PTPN1: variants seen among roughly 807,000 people sequenced by gnomAD.
PTPN1 encodes tyrosine-protein phosphatase non-receptor type 1.
A neutral mutation model predicts 59.9 loss-of-function variants in PTPN1; 12 were observed. The observed-to-expected ratio is 0.20, with a 90% CI of 0.13 to 0.32. PTPN1 has a LOEUF of 0.32. PTPN1 is among the 10% of genes least tolerant of loss of function. The pLI is 1.00. For synonymous variants in PTPN1, 178 were observed against 203.6 expected (o/e 0.87, Z 1.07); for missense variants, 356 against 549.2 (o/e 0.65, Z 3.52).
intron 1 of PTPN1, among the ~76,000 whole-genome samples, chr20:50,547,713 G>A (rs191014556): frequency 1.3e-5 from 2 of 152,162 alleles, no homozygotes; most frequent in Non-Finnish European, 2.9e-5. Flanking sequence ...TGCTTTCACT[G>A]ACAACAGTAT....
intron 6 of PTPN1, among the ~76,000 whole-genome samples, chr20:50,578,950 A>G (rs1251983090): frequency 6.6e-6 from 1 of 152,144 alleles, no homozygotes; most frequent in Non-Finnish European, 1.5e-5. Flanking sequence ...CCAGACTCTT[A>G]ACCAGCTCTC....
intron 1 of PTPN1, among the ~76,000 whole-genome samples, chr20:50,519,792 G>A (rs1261165694): frequency 2.6e-5 from 4 of 152,150 alleles, no homozygotes; most frequent in African/African-American, 4.8e-5. Context: ...AAGTTAAAGG[G>A]TGCAGTTGGC....
intron 1 of PTPN1, among the ~76,000 whole-genome samples, chr20:50,540,974 C>T (rs2082649441): frequency 6.6e-6 from 1 of 152,142 alleles, no homozygotes; most frequent in African/African-American, 2.4e-5. Flanking sequence ...CTGCTCAGTC[C>T]CTAGTTTGCA....
In PTPN1 at chr20:50,574,503, A is replaced by G. The variant is rs1401395979; in HGVS notation, c.355-14A>G. ...ATATTGCTCACAATAATTCACTATT[A>G]TTTGTTTCCCCAGTTAAAATGCGCA... On this transcript the variant is annotated splice_polypyrimidine_tract_variant and intron_variant, in intron 4 of 9. Coordinates refer to ENST00000371621, the MANE Select transcript of PTPN1 (RefSeq NM_002827.4). 4 of 1,579,602 alleles carry G rather than the reference A, an allele frequency of 2.5e-6. No homozygotes were observed. Among genetic ancestry groups the G allele is most frequent in the Non-Finnish European group, 3.4e-6 (4 of 1,168,754 alleles).
At chr20:50,524,680 G>A (rs1431040844) in intron 1 of PTPN1, among the ~76,000 whole-genome samples, 3 of 148,272 alleles carry the variant, frequency 2.0e-5, no homozygotes, top group Admixed American at 6.8e-5. Context: ...GGGTTCAAGC[G>A]ATTCTGCTGT....
At chr20:50,534,278 G>A (rs1489447505) in intron 1 of PTPN1, among the ~76,000 whole-genome samples, 1 of 152,166 alleles carries the variant, frequency 6.6e-6, no homozygotes, top group East Asian at 1.9e-4. Flanking sequence ...ATCCAAATGA[G>A]ACTTTAGATT....
intron 1 of PTPN1, among the ~76,000 whole-genome samples, chr20:50,516,773 A>C (rs1317464986): frequency 6.6e-6 from 1 of 152,220 alleles, no homozygotes; most frequent in Non-Finnish European, 1.5e-5. Flanking sequence ...TGTAAAAGAT[A>C]GAGGAACTGA....
At chr20:50,555,476 T>C (rs1312970584) in intron 1 of PTPN1, among the ~76,000 whole-genome samples, 4 of 152,146 alleles carry the variant, frequency 2.6e-5, no homozygotes, top group Non-Finnish European at 5.9e-5. Flanking sequence ...GTTGCATTGA[T>C]AGTTAAATGG....
At chr20:50,577,242 TG>T (rs2082841219) in intron 5 of PTPN1, among the ~76,000 whole-genome samples, 1 of 152,214 alleles carries the variant, frequency 6.6e-6, no homozygotes, top group South Asian at 2.1e-4. Flanking sequence ...GTGGTGTCTT[TG>T]CCCCCGCCTC....
intron 1 of PTPN1, among the ~76,000 whole-genome samples, chr20:50,559,548 T>C (rs1338825893): frequency 6.6e-6 from 1 of 152,228 alleles, no homozygotes; most frequent in East Asian, 1.9e-4. Context: ...TTTATCATTA[T>C]GAAGAGTACT....
intron 1 of PTPN1, among the ~76,000 whole-genome samples, chr20:50,517,979 T>C (rs2082536290): frequency 6.6e-6 from 1 of 152,222 alleles, no homozygotes; most frequent in South Asian, 2.1e-4. Flanking sequence ...GCAACATCAC[T>C]TGCAAAGATA....
intron 1 of PTPN1, among the ~76,000 whole-genome samples, chr20:50,510,891 CG>C (rs2082504086): frequency 6.6e-6 from 1 of 152,014 alleles, no homozygotes; most frequent in Admixed American, 6.5e-5. Context: ...CCTCGCACCC[CG>C]ACCCCGCCCC....
At chr20:50,541,784 A>G (rs1025148217) in intron 1 of PTPN1, among the ~76,000 whole-genome samples, 4 of 152,186 alleles carry the variant, frequency 2.6e-5, no homozygotes, top group African/African-American at 9.6e-5. Flanking sequence ...TAGGGGAAGC[A>G]GCTTGGACAT....
rs545770873 is a variant in PTPN1 at position 50,541,486 on chromosome 20, T to C, written c.64-19877T>C. Among the ~76,000 whole-genome samples the C allele has an allele frequency of 5.2e-4, 79 of 152,322 alleles. No homozygotes were observed. In the South Asian group the frequency reaches 5.4e-3, roughly 10 times the overall value. ...ACGGGACAGCTCTTCTGTCATCTCTTCTGGGAAGCCTCTCCAGGCTTGGTG... is the reference window on the plus strand; with the variant it reads ...ACGGGACAGCTCTTCTGTCATCTCTCCTGGGAAGCCTCTCCAGGCTTGGTG... On this transcript the variant is annotated intron_variant, in intron 1 of 9. Transcript: ENST00000371621.
intron 1 of PTPN1, among the ~76,000 whole-genome samples, chr20:50,524,567 G>GTTTTTTTTTT (rs1386022104): frequency 2.0e-4 from 13 of 64,102 alleles, no homozygotes; most frequent in African/African-American, 4.8e-4. Context: ...CCATTATGTG[G>GTTTTTTTTTT]TCTTTTTTTT....
rs2082881897 is a variant in PTPN1, at chr20:50,583,753, C to G, written c.*1038C>G. The G allele has an allele frequency of 6.5e-6, 1 of 152,678 alleles. No individual in the cohort carries two copies. Among genetic ancestry groups the G allele is most frequent in the Non-Finnish European group, 1.5e-5 (1 of 68,064 alleles). The allele number at this position is 152,678 out of a possible 1,614,324, so 9.5% of individuals were successfully genotyped here. Reference sequence around the variant, plus strand: ...GACTTCCTGGTGAGGCCCAGCCTGTCCTGGTACAGCAGGGTCTTGCTGTAA... The same window carrying G: ...GACTTCCTGGTGAGGCCCAGCCTGTGCTGGTACAGCAGGGTCTTGCTGTAA... On this transcript the variant is annotated 3_prime_UTR_variant, in exon 10 of 10. Transcript: ENST00000371621.
intron 4 of PTPN1, among the ~76,000 whole-genome samples, chr20:50,569,858 G>A (rs373837158): frequency 1.5e-4 from 23 of 152,374 alleles, no homozygotes; most frequent in African/African-American, 5.0e-4. Flanking sequence ...GTTCAGCAGG[G>A]CCACAGGCTC....
At chr20:50,527,282 T>C (rs892500349) in intron 1 of PTPN1, among the ~76,000 whole-genome samples, 2 of 152,224 alleles carry the variant, frequency 1.3e-5, no homozygotes, top group Admixed American at 6.5e-5. Context: ...TCGTTCATCT[T>C]CCAGTCACTC....
intron 1 of PTPN1, among the ~76,000 whole-genome samples, chr20:50,522,846 C>T (rs556352255): frequency 5.5e-4 from 83 of 152,144 alleles, no homozygotes; most frequent in Middle Eastern, 6.8e-3. Context: ...ATCCGCCTCC[C>T]GAGTTCAAGT....
Sources: gnomAD v4.1 joint callset for allele counts (sites outside exome capture counted in the v4.1 genomes callset) on GRCh38, gnomAD v4.1.1 for gene constraint, MANE v1.5 for transcripts, NCBI Gene and HGNC (gene_info 2026-07-23, HGNC 2026-07-21) for gene names.